The following KIAA1328 variants were observed in gnomAD, a reference collection of about 807,000 sequenced individuals.
KIAA1328 encodes KIAA1328, also known as protein hinderin.
A neutral mutation model predicts 68.1 loss-of-function variants in KIAA1328; 52 were observed. The observed-to-expected ratio is 0.76, with a 90% CI of 0.61 to 0.96. KIAA1328 has a LOEUF of 0.96. Ranked by LOEUF, KIAA1328 falls within the 40% of genes least tolerant of loss-of-function variation. The pLI, the probability that KIAA1328 is intolerant of heterozygous loss-of-function variation, is 0.00. For synonymous variants in KIAA1328, 232 were observed against 239.4 expected, an observed-to-expected ratio of 0.97 and a Z score of 0.28; for missense variants, 641 against 677.6, an observed-to-expected ratio of 0.95 and a Z score of 0.60.
At chr18:37,002,023 A>G (rs545320812) in intron 6 of KIAA1328, among the ~76,000 whole-genome samples, 15 of 152,252 alleles carry the variant, frequency 9.9e-5, no homozygotes, top group African/African-American at 3.1e-4. Context: ...GACAAGAGAA[A>G]GAAATAAAAG....
chr18:36,889,856 G>A (rs768146132), intron 5 of KIAA1328, among the ~76,000 whole-genome samples: 1 of 152,094 alleles, frequency 6.6e-6, no homozygotes, highest in Non-Finnish European at 1.5e-5. Context: ...TTATGCAAGG[G>A]TTAGGCTGCT....
chr18:36,952,564 T>A (rs936444460), intron 5 of KIAA1328, among the ~76,000 whole-genome samples: 1 of 152,198 alleles, frequency 6.6e-6, no homozygotes, highest in Admixed American at 6.5e-5. Flanking sequence ...CTGCCCTAAG[T>A]TATATCATTA....
chr18:37,096,917 G>A (rs968516598), intron 7 of KIAA1328, among the ~76,000 whole-genome samples: 1 of 151,976 alleles, frequency 6.6e-6, no homozygotes, highest in Non-Finnish European at 1.5e-5. Flanking sequence ...TTTTTGTTGG[G>A]GCCGTTTGTT....
chr18:36,894,191 A>C (rs531797082), intron 5 of KIAA1328, among the ~76,000 whole-genome samples: 1 of 152,326 alleles, frequency 6.6e-6, no homozygotes, highest in South Asian at 2.1e-4. Context: ...ACAAATATCA[A>C]TAAGCCTTAC....
intron 5 of KIAA1328, among the ~76,000 whole-genome samples, chr18:36,906,500 C>G (rs1334842228): frequency 2.0e-5 from 3 of 151,990 alleles, no homozygotes; most frequent in Admixed American, 6.6e-5. Context: ...TAAAATTCGT[C>G]TATATTTTTT....
chr18:37,150,646 A>G (rs949838794), intron 7 of KIAA1328, among the ~76,000 whole-genome samples: 3 of 152,134 alleles, frequency 2.0e-5, no homozygotes, highest in Non-Finnish European at 1.5e-5. Flanking sequence ...TGTAAAAAGC[A>G]TAATACAGCT....
chr18:37,171,403 C>T (rs569473072), intron 8 of KIAA1328, among the ~76,000 whole-genome samples: 61 of 152,186 alleles, frequency 4.0e-4, no homozygotes, highest in African/African-American at 1.4e-3. Flanking sequence ...TTTATAGAAA[C>T]AGGATCTTGC....
intron 5 of KIAA1328, among the ~76,000 whole-genome samples, chr18:36,914,760 C>A (rs2049617622): frequency 6.6e-6 from 1 of 151,838 alleles, no homozygotes; most frequent in Non-Finnish European, 1.5e-5. Context: ...ATTACAGGAT[C>A]TAAGAAAAAC....
chr18:36,847,260 T>C (rs1274635786), intron 4 of KIAA1328, among the ~76,000 whole-genome samples: 1 of 151,534 alleles, frequency 6.6e-6, no homozygotes, highest in Non-Finnish European at 1.5e-5. Flanking sequence ...TGAACATAAT[T>C]ATTTTTCTTC....
Position 36,912,982 on chromosome 18 carries a change from G to A in KIAA1328, c.448+27310G>A, listed in dbSNP as rs565097427. On this transcript the variant is annotated intron_variant, in intron 5 of 9. Transcript: ENST00000280020. ...TTAGTCAATTTCATAATCCAGCCTG[G>A]GAAAAACATCCTCTGTGATTTGAGG... Among the ~76,000 whole-genome samples the A allele has an allele frequency of 3.3e-5, 5 of 152,234 alleles. No homozygotes were observed. In the South Asian group the frequency reaches 1.0e-3, roughly 32 times the overall value.
chr18:37,116,766 A>G (rs960562702), intron 7 of KIAA1328, among the ~76,000 whole-genome samples: 2 of 152,222 alleles, frequency 1.3e-5, no homozygotes, highest in African/African-American at 4.8e-5. Context: ...TAACCATCTG[A>G]CAAAGGCCTA....
At chr18:37,047,646 A>G (rs983754936) in intron 6 of KIAA1328, among the ~76,000 whole-genome samples, 3 of 152,230 alleles carry the variant, frequency 2.0e-5, no homozygotes, top group African/African-American at 4.8e-5. Context: ...AAAATTTCGC[A>G]TAAATGTCAA....
At chr18:36,829,546 T>A in intron 1 of KIAA1328, 1 of 778,804 alleles carries the variant, frequency 1.3e-6, no homozygotes, top group Non-Finnish European at 1.6e-6. Flanking sequence ...CTGACTTGAG[T>A]GTGCGGAGCT....
chr18:37,105,955 T>C (rs1556885669), intron 7 of KIAA1328, among the ~76,000 whole-genome samples: 1 of 102,414 alleles, frequency 9.8e-6, no homozygotes, highest in African/African-American at 4.2e-5. Context: ...AGAATTATAG[T>C]ATAAAAGGTA....
At chr18:37,149,658 ATAT>A (rs2058983854) in intron 7 of KIAA1328, among the ~76,000 whole-genome samples, 1 of 152,218 alleles carries the variant, frequency 6.6e-6, no homozygotes, top group Non-Finnish European at 1.5e-5. Context: ...TAAAAAATTG[ATAT>A]TATAATCTTG....
chr18:37,066,748 G>C, intron 6 of KIAA1328, 142 bp from the exon 7 acceptor site: 3 of 741,564 alleles, frequency 4.0e-6, no homozygotes, highest in Non-Finnish European at 6.4e-6. Flanking sequence ...CTGTTTAGCT[G>C]TGTGAATGCT....
chr18:37,074,377 G>C (rs1309887118), intron 7 of KIAA1328, among the ~76,000 whole-genome samples: 1 of 152,154 alleles, frequency 6.6e-6, no homozygotes. Context: ...ATTTTTAGTT[G>C]TACAGGGGTA....
At chr18:36,910,654 G>C (rs1407617517) in intron 5 of KIAA1328, among the ~76,000 whole-genome samples, 2 of 152,056 alleles carry the variant, frequency 1.3e-5, no homozygotes, top group South Asian at 2.1e-4. Flanking sequence ...TTCTAATTCT[G>C]TGAAGAAAGT....
At chr18:37,006,105 T>C (rs1419164141) in intron 6 of KIAA1328, among the ~76,000 whole-genome samples, 1 of 151,124 alleles carries the variant, frequency 6.6e-6, no homozygotes, top group Non-Finnish European at 1.5e-5. Context: ...ATACCCTGAC[T>C]TGAACACTAG....
Sources: allele counts gnomAD v4.1 joint callset (sites outside exome capture counted in the v4.1 genomes callset), GRCh38; gene constraint gnomAD v4.1.1; transcripts MANE v1.5; gene names NCBI Gene and HGNC (gene_info 2026-07-23, HGNC 2026-07-21).